Variants in HMGCLL1 observed in about 807,000 individuals in gnomAD.
HMGCLL1 encodes 3-hydroxy-3-methylglutaryl-CoA lyase like 1.
In HMGCLL1, 36 loss-of-function variants were observed where a neutral mutation model predicts 39.1. That is an observed-to-expected ratio of 0.92 (90% CI 0.71 to 1.22). The LOEUF is 1.22. Among genes scored for constraint, HMGCLL1 ranks in the 50% most tolerant of loss-of-function variants. HMGCLL1 has a pLI of 0.00. For synonymous variants in HMGCLL1, 149 were observed against 144.0 expected, an observed-to-expected ratio of 1.03 and a Z score of -0.25; for missense variants, 451 against 416.5, an observed-to-expected ratio of 1.08 and a Z score of -0.72.
chr6:55,658,270 G>A, the HMGCLL1 span, among the ~76,000 whole-genome samples: 1 of 151,874 alleles, frequency 6.6e-6, no homozygotes, highest in East Asian at 1.9e-4. Context: ...TCACTTCCAA[G>A]TAGAACCCCA....
chr6:55,476,208 T>G (rs1343698797), intron 7 of HMGCLL1, among the ~76,000 whole-genome samples: 1 of 151,602 alleles, frequency 6.6e-6, no homozygotes, highest in Admixed American at 6.6e-5. Flanking sequence ...AGCCTGAAAC[T>G]TATCTCTCTG....
Position 55,435,690 on chromosome 6 carries a change from T to C in HMGCLL1, c.995A>G (p.Lys332Arg), listed in dbSNP as rs1763341477. The part of the protein sequence containing the change: ...CKAVNKTTNS[K>R]VAQASFNA ...AGCATTGAAGGAGGCTTGTGCTACT[T>C]TAGAGTTTGTGGTTTTATTCACAGC... The change falls in exon 9 of 9, where the codon AAA becomes AGA. Residue 332 changes from lysine (K) to arginine (R), a missense_variant. Transcript: ENST00000274901. 6.2e-7 allele frequency: 1 copy of C among 1,604,810 alleles called. No individual in the cohort carries two copies. Among genetic ancestry groups the C allele is most frequent in the Non-Finnish European group, 8.5e-7 (1 of 1,173,916 alleles).
chr6:55,640,640 A>G, the HMGCLL1 span, among the ~76,000 whole-genome samples: 9 of 152,052 alleles, frequency 5.9e-5, no homozygotes, highest in South Asian at 4.1e-4. Context: ...CTTCAAATGC[A>G]TTAGTGATAT....
the HMGCLL1 span, among the ~76,000 whole-genome samples, chr6:55,647,745 C>CT: frequency 0.16 from 18,356 of 115,828 alleles, 1,709 homozygotes; most frequent in African/African-American, 0.29. Flanking sequence ...TTTTTTTTTC[C>CT]TTTTTTTTTT....
intron 7 of HMGCLL1, among the ~76,000 whole-genome samples, chr6:55,473,647 TTAAAA>T (rs1354464124): frequency 2.6e-5 from 4 of 151,650 alleles, no homozygotes; most frequent in African/African-American, 4.8e-5. Flanking sequence ...TTAAGAATAA[TTAAAA>T]TAAAAGATTA....
intron 7 of HMGCLL1, among the ~76,000 whole-genome samples, chr6:55,474,506 T>A (rs1765199012): frequency 1.3e-5 from 2 of 151,558 alleles, no homozygotes; most frequent in Admixed American, 1.3e-4. Context: ...CAGGTTTACA[T>A]TCCCGTCTCT....
intron 3 of HMGCLL1, among the ~76,000 whole-genome samples, chr6:55,525,482 C>G (rs1172544581): frequency 6.6e-6 from 1 of 151,850 alleles, no homozygotes; most frequent in Non-Finnish European, 1.5e-5. Flanking sequence ...TTAATTACAT[C>G]TAACTGAAAT....
the HMGCLL1 span, among the ~76,000 whole-genome samples, chr6:55,625,964 C>A: frequency 1.3e-5 from 2 of 152,110 alleles, no homozygotes; most frequent in Non-Finnish European, 2.9e-5. Context: ...CTCCATGGAC[C>A]CATGAACAAA....
chr6:55,548,969 T>C (rs1031193857), intron 1 of HMGCLL1, among the ~76,000 whole-genome samples: 2 of 151,718 alleles, frequency 1.3e-5, no homozygotes, highest in Non-Finnish European at 2.9e-5. Context: ...GAAAAACTTC[T>C]ATGAATTGAT....
At chr6:55,451,386 A>T (rs1158117741) in intron 7 of HMGCLL1, among the ~76,000 whole-genome samples, 2 of 151,846 alleles carry the variant, frequency 1.3e-5, no homozygotes, top group Non-Finnish European at 2.9e-5. Flanking sequence ...ACTTTGGGAG[A>T]CTGAGGCGGG....
the HMGCLL1 span, among the ~76,000 whole-genome samples, chr6:55,658,799 G>T: frequency 1.3e-5 from 2 of 151,882 alleles, no homozygotes; most frequent in African/African-American, 2.4e-5. Context: ...GAAGAAGAGA[G>T]ATTTGAACCA....
chr6:55,597,318 T>G, the HMGCLL1 span, among the ~76,000 whole-genome samples: 2 of 152,090 alleles, frequency 1.3e-5, no homozygotes, highest in Admixed American at 1.3e-4. Flanking sequence ...GAGAATTCTC[T>G]TTTCATCATA....
chr6:55,495,350 G>A (rs41271322), intron 7 of HMGCLL1, 69 bp downstream of exon 7: 743 of 1,169,384 alleles, frequency 6.4e-4, no homozygotes, highest in Non-Finnish European at 8.5e-4. Context: ...ACAGCTTTCA[G>A]TATGTTTATA....
intron 5 of HMGCLL1, among the ~76,000 whole-genome samples, chr6:55,503,915 A>T (rs1767023476): frequency 6.6e-6 from 1 of 151,642 alleles, no homozygotes; most frequent in Non-Finnish European, 1.5e-5. Context: ...CATTCCCAAG[A>T]ACCCTCTCCT....
At chr6:55,466,142 T>A (rs1443702373) in intron 7 of HMGCLL1, among the ~76,000 whole-genome samples, 1 of 152,076 alleles carries the variant, frequency 6.6e-6, no homozygotes, top group Non-Finnish European at 1.5e-5. Context: ...TACAAGCCTC[T>A]ATGGGAAGTG....
At chr6:55,645,325 A>T in the HMGCLL1 span, among the ~76,000 whole-genome samples, 1 of 151,990 alleles carries the variant, frequency 6.6e-6, no homozygotes. Flanking sequence ...TTCCAAATAT[A>T]AGAGAATACC....
intron 5 of HMGCLL1, among the ~76,000 whole-genome samples, chr6:55,505,650 TA>T (rs1331153077): frequency 1.3e-5 from 2 of 151,646 alleles, no homozygotes; most frequent in African/African-American, 4.8e-5. Flanking sequence ...TACCGTGTAT[TA>T]AAAATACCTT....
In HMGCLL1 at chr6:55,564,167, T is replaced by G. The variant is rs1490278200; in HGVS notation, c.108+14781A>C. On this transcript the variant is annotated intron_variant, in intron 1 of 8. Transcript: ENST00000274901. ...GAAGCTCTTATCTTATGGGTGGGGTTGTGGGTATGAGGACAACTGCCTTGT... is the reference window on the plus strand; with the variant it reads ...GAAGCTCTTATCTTATGGGTGGGGTGGTGGGTATGAGGACAACTGCCTTGT... Among the ~76,000 whole-genome samples the G allele has an allele frequency of 2.0e-5, 3 of 152,094 alleles. No homozygotes were observed. The East Asian group carries it at 5.8e-4, about 29-fold the overall frequency.
At chr6:55,463,547 T>A (rs1469796274) in intron 7 of HMGCLL1, among the ~76,000 whole-genome samples, 2 of 152,200 alleles carry the variant, frequency 1.3e-5, no homozygotes, top group East Asian at 3.8e-4. Flanking sequence ...AAGAGCCTCC[T>A]GAAGTGAAAT....
Sources: allele counts gnomAD v4.1 joint callset (sites outside exome capture counted in the v4.1 genomes callset), GRCh38; gene constraint gnomAD v4.1.1; transcripts MANE v1.5; gene names NCBI Gene and HGNC (gene_info 2026-07-23, HGNC 2026-07-21).